The following LYPD6B variants were observed in gnomAD, a reference collection of about 807,000 sequenced individuals.
The protein encoded by LYPD6B is ly6/PLAUR domain-containing protein 6B.
Under a neutral mutation model 22.8 loss-of-function variants are expected in LYPD6B, and 17 were observed. That is an observed-to-expected ratio of 0.75 (90% CI 0.51 to 1.12). The LOEUF (loss-of-function observed/expected upper bound fraction) is 1.12, where lower values mean the gene tolerates loss of function less well. Among genes scored for constraint, LYPD6B ranks in the 50% most tolerant of loss-of-function variants. The pLI is 0.00. For synonymous variants in LYPD6B, 106 were observed against 91.6 expected, an observed-to-expected ratio of 1.16 and a Z score of -0.90; for missense variants, 221 against 258.3, an observed-to-expected ratio of 0.86 and a Z score of 0.99.
At chr2:149,203,365 A>G (rs535592405) in intron 3 of LYPD6B, among the ~76,000 whole-genome samples, 39 of 152,308 alleles carry the variant, frequency 2.6e-4, no homozygotes, top group South Asian at 1.7e-3. Context: ...AGACTGTGAA[A>G]AAGGGATTAG....
At position 149,130,964 on chromosome 2, in the gene LYPD6B, T is replaced by C. The variant is rs758554753; in HGVS notation, c.5+11T>C. ...AATCACATGGATGTTGTGAGTATTA[T>C]ATTCACAAGTGGATGTAGAGAAGAT... On this transcript the variant is annotated intron_variant, in intron 2 of 6. Transcript: ENST00000409642. 20 of 1,592,158 alleles carry C rather than the reference T, an allele frequency of 1.3e-5. No individual in the cohort carries two copies. Among genetic ancestry groups the C allele is most frequent in the Non-Finnish European group, 1.5e-5 (17 of 1,160,126 alleles).
At chr2:149,123,480 A>G (rs1687502904) in intron 1 of LYPD6B, among the ~76,000 whole-genome samples, 2 of 152,292 alleles carry the variant, frequency 1.3e-5, no homozygotes, top group South Asian at 4.1e-4. Context: ...AAGTTGGACA[A>G]TTACTACGCG....
At chr2:149,105,958 A>G (rs1247142150) in intron 1 of LYPD6B, among the ~76,000 whole-genome samples, 3 of 152,112 alleles carry the variant, frequency 2.0e-5, no homozygotes, top group African/African-American at 7.2e-5. Context: ...AGGTCCAAAA[A>G]TCCCATTCTA....
chr2:149,113,167 T>C (rs1225967369), intron 1 of LYPD6B, among the ~76,000 whole-genome samples: 1 of 150,274 alleles, frequency 6.7e-6, no homozygotes, highest in Non-Finnish European at 1.5e-5. Flanking sequence ...TACCTCAGCA[T>C]GGACCTTTAG....
intron 1 of LYPD6B, among the ~76,000 whole-genome samples, chr2:149,103,491 C>T (rs1456972626): frequency 1.3e-5 from 2 of 152,096 alleles, no homozygotes; most frequent in East Asian, 3.9e-4. Flanking sequence ...TTTTGAGATA[C>T]AATTGACCTA....
At chr2:149,146,812 C>G (rs1197375926) in intron 2 of LYPD6B, among the ~76,000 whole-genome samples, 4 of 152,090 alleles carry the variant, frequency 2.6e-5, no homozygotes, top group Non-Finnish European at 4.4e-5. Context: ...GGGCTGGTAG[C>G]TGTGGGATTA....
At chr2:149,043,590 G>C (rs1221886254) in intron 1 of LYPD6B, among the ~76,000 whole-genome samples, 1 of 152,078 alleles carries the variant, frequency 6.6e-6, no homozygotes, top group Non-Finnish European at 1.5e-5. Context: ...CGACTGCCTT[G>C]TCATTTTTAT....
At chr2:149,114,216 A>G (rs1686892747) in intron 1 of LYPD6B, among the ~76,000 whole-genome samples, 1 of 152,092 alleles carries the variant, frequency 6.6e-6, no homozygotes, top group African/African-American at 2.4e-5. Context: ...CACTCTTTCA[A>G]CTCTTTTTCT....
At chr2:149,134,430 C>T (rs1185494631) in intron 2 of LYPD6B, among the ~76,000 whole-genome samples, 3 of 152,198 alleles carry the variant, frequency 2.0e-5, no homozygotes, top group Non-Finnish European at 4.4e-5. Context: ...AGAAAAGACT[C>T]CAGCCTACTA....
intron 3 of LYPD6B, among the ~76,000 whole-genome samples, chr2:149,198,217 T>C (rs1692943584): frequency 6.6e-6 from 1 of 152,032 alleles, no homozygotes; most frequent in African/African-American, 2.4e-5. Flanking sequence ...AATTTTTGTA[T>C]TTTTTAAGTA....
intron 3 of LYPD6B, among the ~76,000 whole-genome samples, chr2:149,166,294 G>T (rs968256223): frequency 6.6e-6 from 1 of 152,166 alleles, no homozygotes; most frequent in Non-Finnish European, 1.5e-5. Flanking sequence ...AGGTAGAACA[G>T]GTGGTTTATC....
At chr2:149,120,379 A>ATTTTTTTT (rs1371894805) in intron 1 of LYPD6B, among the ~76,000 whole-genome samples, 8 of 43,684 alleles carry the variant, frequency 1.8e-4, no homozygotes, top group African/African-American at 7.5e-4. Flanking sequence ...ATATATATAT[A>ATTTTTTTT]TATATTTTTT....
At chr2:149,120,953 G>A (rs144581021) in intron 1 of LYPD6B, among the ~76,000 whole-genome samples, 2 of 151,422 alleles carry the variant, frequency 1.3e-5, no homozygotes, top group African/African-American at 4.9e-5. Context: ...CACCATACCT[G>A]GCTAATTTTT....
chr2:149,138,185 A>C (rs1559024947), intron 2 of LYPD6B, among the ~76,000 whole-genome samples: 1 of 152,214 alleles, frequency 6.6e-6, no homozygotes. Flanking sequence ...TCCTGTTTGA[A>C]TATATGGATT....
At chr2:149,076,488 C>A (rs145652492) in intron 1 of LYPD6B, among the ~76,000 whole-genome samples, 2 of 152,000 alleles carry the variant, frequency 1.3e-5, no homozygotes, top group African/African-American at 4.8e-5. Context: ...AAAGATTTGT[C>A]ATAAGATGTT....
intron 1 of LYPD6B, among the ~76,000 whole-genome samples, chr2:149,085,443 G>A (rs905018307): frequency 1.4e-4 from 21 of 152,256 alleles, no homozygotes; most frequent in African/African-American, 3.6e-4. Context: ...GCCCCCTGCC[G>A]AGTGGGAAGG....
chr2:149,121,704 A>C (rs1337355155), intron 1 of LYPD6B, among the ~76,000 whole-genome samples: 1 of 152,224 alleles, frequency 6.6e-6, no homozygotes, highest in African/African-American at 2.4e-5. Flanking sequence ...ATGAGCACTT[A>C]GAGCTGCAGC....
rs138051063 is a variant in LYPD6B at position 149,061,543 on chromosome 2, A to G, written c.-67+22742A>G. Among the ~76,000 whole-genome samples the G allele has an allele frequency of 2.0e-3, 298 of 152,238 alleles. 1 individual carries two copies. The highest frequency in any genetic ancestry group is 7.0e-3 in the African/African-American group (289 of 41,544). ...TCACCCTAGACAAATGCTGGGAGAAAGGACAGGGGGAGGCAGCCCAGTTAG... is the reference window on the plus strand; with the variant it reads ...TCACCCTAGACAAATGCTGGGAGAAGGGACAGGGGGAGGCAGCCCAGTTAG... On this transcript the variant is annotated intron_variant, in intron 1 of 6. Transcript: ENST00000409642.
chr2:149,085,851 A>G (rs757686886), intron 1 of LYPD6B, among the ~76,000 whole-genome samples: 2 of 151,854 alleles, frequency 1.3e-5, no homozygotes, highest in Non-Finnish European at 2.9e-5. Context: ...TTCTATCACT[A>G]ATATGGAAGA....
Sources: allele counts gnomAD v4.1 joint callset (sites outside exome capture counted in the v4.1 genomes callset), GRCh38; gene constraint gnomAD v4.1.1; transcripts MANE v1.5; gene names NCBI Gene and HGNC (gene_info 2026-07-23, HGNC 2026-07-21).